PDS5B: variants seen among roughly 807,000 people sequenced by gnomAD.
PDS5B encodes PDS5 cohesin associated factor B.
PDS5B carries 51 observed loss-of-function variants against 184.1 expected under a neutral mutation model. The ratio of observed to expected loss-of-function variants is 0.28; its 90% confidence interval spans 0.22 to 0.35. PDS5B has a LOEUF of 0.35. Ranked by LOEUF, PDS5B falls within the 10% of genes least tolerant of loss-of-function variation. The pLI, the probability that PDS5B is intolerant of heterozygous loss-of-function variation, is 1.00. For missense variants in PDS5B, 1,180 were observed against 1,723.3 expected, an observed-to-expected ratio of 0.68 and a Z score of 5.58; for synonymous variants, 566 against 569.2, an observed-to-expected ratio of 0.99 and a Z score of 0.08.
chr13:32,754,669 A>T (rs972554273), intron 25 of PDS5B, among the ~76,000 whole-genome samples: 14 of 152,134 alleles, frequency 9.2e-5, no homozygotes, highest in Non-Finnish European at 1.0e-4. Flanking sequence ...ATTTTGGCAG[A>T]TTACTTAATC....
rs183349876 is a variant in PDS5B, at chr13:32,767,219, G to A, written c.3624+2625G>A. Among the ~76,000 whole-genome samples the A allele has an allele frequency of 8.6e-3, 1,315 of 152,196 alleles. 6 individuals carry two copies. The highest frequency in any genetic ancestry group is 0.012 in the Non-Finnish European group (834 of 67,942). On this transcript the variant is annotated intron_variant, in intron 31 of 34. Coordinates refer to ENST00000315596, the MANE Select transcript of PDS5B (RefSeq NM_015032.4). ...ACTTAAGATCCGTTCTTGACAAATA[G>A]GAACTTTTAGTAAACTAGTACCAGA...
At chr13:32,773,855 A>G (rs1353454105) in intron 34 of PDS5B, among the ~76,000 whole-genome samples, 1 of 152,110 alleles carries the variant, frequency 6.6e-6, no homozygotes, top group African/African-American at 2.4e-5. Context: ...AGGCTGGAGT[A>G]TAGTGGCGCA....
chr13:32,722,797 G>T (rs1952763351), intron 19 of PDS5B, among the ~76,000 whole-genome samples: 1 of 152,232 alleles, frequency 6.6e-6, no homozygotes, highest in Non-Finnish European at 1.5e-5. Context: ...AGAGGTGGAG[G>T]AGCCCTGTCA....
chr13:32,640,692 G>A (rs2058645783), intron 1 of PDS5B, among the ~76,000 whole-genome samples: 1 of 151,992 alleles, frequency 6.6e-6, no homozygotes, highest in Admixed American at 6.6e-5. Context: ...GAAATTCTAG[G>A]TTATAGTTTT....
chr13:32,754,712 G>A (rs533261261), intron 25 of PDS5B, among the ~76,000 whole-genome samples: 1 of 152,188 alleles, frequency 6.6e-6, no homozygotes, highest in African/African-American at 2.4e-5. Flanking sequence ...TTGCAAAATT[G>A]ATATAATTAT....
At position 32,634,891 on chromosome 13, in the gene PDS5B, C is replaced by T. The variant is rs532404451; in HGVS notation, c.-19-13863C>T. ...CCACCGTGCCCAGCCAACATTTAAC[C>T]TTTTAAGATACTGTGAAACGTTTTT... On this transcript the variant is annotated intron_variant, in intron 1 of 34. Transcript: ENST00000315596. Among the ~76,000 whole-genome samples, 364 of 151,720 alleles carry T rather than the reference C, an allele frequency of 2.4e-3. 1 individual carries two copies. Among genetic ancestry groups the T allele is most frequent in the African/African-American group, 8.0e-3 (333 of 41,390 alleles).
intron 1 of PDS5B, among the ~76,000 whole-genome samples, chr13:32,609,213 C>G (rs1406674773): frequency 1.3e-5 from 2 of 152,226 alleles, no homozygotes; most frequent in East Asian, 3.9e-4. Context: ...ATCCCTTTAT[C>G]CGTTGTTGGA....
chr13:32,661,119 C>T (rs1950630690), intron 6 of PDS5B, among the ~76,000 whole-genome samples: 1 of 152,060 alleles, frequency 6.6e-6, no homozygotes, highest in South Asian at 2.1e-4. Flanking sequence ...TGCAGTAGCT[C>T]ATACCTGTAA....
intron 1 of PDS5B, among the ~76,000 whole-genome samples, chr13:32,602,445 A>G (rs1400487045): frequency 6.6e-6 from 1 of 152,142 alleles, no homozygotes; most frequent in African/African-American, 2.4e-5. Flanking sequence ...TTTTATAGCT[A>G]CATAGTATTC....
intron 30 of PDS5B, among the ~76,000 whole-genome samples, chr13:32,762,196 G>A (rs1566422820): frequency 6.6e-6 from 1 of 152,166 alleles, no homozygotes. Context: ...TCCTTTCACT[G>A]GTTTTAGCAT....
chr13:32,697,870 C>T (rs1480966772), intron 15 of PDS5B, among the ~76,000 whole-genome samples: 1 of 152,078 alleles, frequency 6.6e-6, no homozygotes, highest in Non-Finnish European at 1.5e-5. Flanking sequence ...ATTAACACAC[C>T]CAGCTAATTT....
chr13:32,611,154 C>T (rs1356400857), intron 1 of PDS5B, among the ~76,000 whole-genome samples: 1 of 152,138 alleles, frequency 6.6e-6, no homozygotes, highest in African/African-American at 2.4e-5. Flanking sequence ...AACCTCCTTT[C>T]TAAGCGTTTT....
At chr13:32,621,245 C>G (rs147633620) in intron 1 of PDS5B, among the ~76,000 whole-genome samples, 56 of 152,324 alleles carry the variant, frequency 3.7e-4, no homozygotes, top group African/African-American at 1.2e-3. Flanking sequence ...AGACAGATCA[C>G]TTGAGCTCAG....
chr13:32,743,913 G>T (rs922734355), intron 23 of PDS5B, among the ~76,000 whole-genome samples: 19 of 151,970 alleles, frequency 1.3e-4, no homozygotes, highest in African/African-American at 4.1e-4. Context: ...ATTTTGTATT[G>T]ATCAGCTCAG....
chr13:32,658,022 A>G (rs546187298), intron 3 of PDS5B, among the ~76,000 whole-genome samples: 86 of 152,298 alleles, frequency 5.6e-4, no homozygotes, highest in African/African-American at 2.0e-3. Flanking sequence ...ATTATGGCAA[A>G]TGATTTACTG....
chr13:32,689,590 T>A (rs1422679227), intron 13 of PDS5B: 4 of 152,176 alleles, frequency 2.6e-5, no homozygotes, highest in Non-Finnish European at 5.9e-5. Context: ...TTTTCCTGTT[T>A]TACATATGAT....
chr13:32,775,625 A>G lies in PDS5B; in HGVS notation c.*573A>G, dbSNP rs150877373. 2.6e-4 allele frequency: 119 copies of G among 456,116 alleles called. No individual in the cohort carries two copies. Among genetic ancestry groups the G allele is most frequent in the Middle Eastern group, 1.3e-3 (4 of 3,068 alleles). The allele number at this position is 456,116 out of a possible 1,614,324, so 28.3% of individuals were successfully genotyped here. ...GGCACCCTTAATCTTCAGAGGTGCT[A>G]AATTGTCTGCCATTACACCAGAAGG... On this transcript the variant is annotated 3_prime_UTR_variant, in exon 35 of 35. Coordinates refer to ENST00000315596, the MANE Select transcript of PDS5B (RefSeq NM_015032.4).
chr13:32,759,117 C>A (rs1227573952), intron 28 of PDS5B, among the ~76,000 whole-genome samples: 1 of 152,144 alleles, frequency 6.6e-6, no homozygotes, highest in African/African-American at 2.4e-5. Context: ...AAAAGTGTTT[C>A]CCACAGTCCC....
chr13:32,760,919 C>A (rs1954372876), intron 30 of PDS5B, among the ~76,000 whole-genome samples, 199 bp downstream of exon 30: 1 of 152,154 alleles, frequency 6.6e-6, no homozygotes, highest in African/African-American at 2.4e-5. Flanking sequence ...CTTAGTCTTT[C>A]ATTCTTTAGC....
Sources: allele counts gnomAD v4.1 joint callset (sites outside exome capture counted in the v4.1 genomes callset), GRCh38; gene constraint gnomAD v4.1.1; transcripts MANE v1.5; gene names NCBI Gene and HGNC (gene_info 2026-07-23, HGNC 2026-07-21).